The following CTNND2 variants were observed in gnomAD, a reference collection of about 807,000 sequenced individuals.
The protein encoded by CTNND2 is catenin delta-2.
In CTNND2, 22 loss-of-function variants were observed where a neutral mutation model predicts 144.4. The observed-to-expected ratio is 0.15, with a 90% CI of 0.11 to 0.22. The LOEUF is 0.22. Ranked by LOEUF, CTNND2 falls within the 10% of genes least tolerant of loss-of-function variation. The pLI, the probability that CTNND2 is intolerant of heterozygous loss-of-function variation, is 1.00. For missense variants in CTNND2, 1,353 were observed against 1,618.8 expected (o/e 0.84, Z 2.82); for synonymous variants, 751 against 695.6 (o/e 1.08, Z -1.25).
At chr5:11,634,455 C>A (rs1781577387) in intron 2 of CTNND2, among the ~76,000 whole-genome samples, 1 of 152,170 alleles carries the variant, frequency 6.6e-6, no homozygotes, top group African/African-American at 2.4e-5. Flanking sequence ...TCCTCAATCT[C>A]AATCCCGTGC....
intron 3 of CTNND2, among the ~76,000 whole-genome samples, chr5:11,522,440 T>C (rs1160045895): frequency 6.6e-6 from 1 of 152,156 alleles, no homozygotes; most frequent in Admixed American, 6.5e-5. Context: ...ATCATCAAAA[T>C]CTGGTGTTTT....
intron 2 of CTNND2, among the ~76,000 whole-genome samples, chr5:11,568,442 C>T (rs1354515306): frequency 1.3e-5 from 2 of 152,164 alleles, no homozygotes; most frequent in African/African-American, 4.8e-5. Context: ...GGCCTTGCCA[C>T]ACCACTGAGG....
At chr5:10,978,158 A>C (rs2149481767) in intron 21 of CTNND2, among the ~76,000 whole-genome samples, 1 of 152,256 alleles carries the variant, frequency 6.6e-6, no homozygotes, top group East Asian at 1.9e-4. Context: ...TCCTGGTGAA[A>C]CTGTTCCAGG....
intron 16 of CTNND2, among the ~76,000 whole-genome samples, chr5:11,080,527 T>C (rs1319518529): frequency 1.3e-5 from 2 of 152,208 alleles, no homozygotes; most frequent in East Asian, 1.9e-4. Context: ...ATAACTCTCA[T>C]GTTCATTCCA....
chr5:11,775,674 C>A (rs1460289643), intron 1 of CTNND2, among the ~76,000 whole-genome samples: 1 of 152,166 alleles, frequency 6.6e-6, no homozygotes, highest in African/African-American at 2.4e-5. Context: ...TCAGAGGAGT[C>A]AAAGGAGCGA....
intron 2 of CTNND2, among the ~76,000 whole-genome samples, chr5:11,565,368 AG>A (rs762676613): frequency 9.2e-5 from 14 of 152,238 alleles, no homozygotes; most frequent in Non-Finnish European, 1.8e-4. Flanking sequence ...TATCTTTGGC[AG>A]ACGGTCAGCA....
chr5:11,460,921 C>T (rs990020549), intron 3 of CTNND2, among the ~76,000 whole-genome samples: 5 of 151,804 alleles, frequency 3.3e-5, no homozygotes, highest in African/African-American at 4.8e-5. Flanking sequence ...TGGTGGCATG[C>T]GTCTGTAATC....
intron 16 of CTNND2, among the ~76,000 whole-genome samples, chr5:11,033,624 T>A (rs866612121): frequency 2.1e-4 from 32 of 151,750 alleles, no homozygotes; most frequent in Admixed American, 1.9e-3. Context: ...AGGTCAGGAG[T>A]TCGAGACCAG....
chr5:11,000,681 TAGAG>T (rs1333671323), intron 18 of CTNND2, among the ~76,000 whole-genome samples: 2 of 152,178 alleles, frequency 1.3e-5, no homozygotes, highest in South Asian at 2.1e-4. Context: ...TCTCAGCAGA[TAGAG>T]AGGTGGAATT....
chr5:11,067,647 G>T (rs1290559418), intron 16 of CTNND2, among the ~76,000 whole-genome samples: 4 of 152,178 alleles, frequency 2.6e-5, no homozygotes, highest in African/African-American at 9.7e-5. Flanking sequence ...ACCTTGAGTG[G>T]GGCAGGAAAC....
intron 2 of CTNND2, among the ~76,000 whole-genome samples, chr5:11,571,258 T>A (rs1040510160): frequency 6.6e-6 from 1 of 152,180 alleles, no homozygotes; most frequent in Non-Finnish European, 1.5e-5. Flanking sequence ...CATATGTGAC[T>A]GTTGGGGTGA....
In CTNND2 at chr5:11,383,741, T is replaced by C. The variant is rs146798757; in HGVS notation, c.1177+924A>G. Among the ~76,000 whole-genome samples the C allele has an allele frequency of 5.9e-5, 9 of 152,294 alleles. No homozygotes were observed. The East Asian group carries it at 1.7e-3, about 29-fold the overall frequency. Reference sequence around the variant, plus strand: ...ATGAGCACAGCATCTGTTACTAGAGTGACACAATTACCAAATCCTTCTGTA... The same window carrying C: ...ATGAGCACAGCATCTGTTACTAGAGCGACACAATTACCAAATCCTTCTGTA... On this transcript the variant is annotated intron_variant, in intron 7 of 21. Transcript: ENST00000304623.
At position 11,208,793 on chromosome 5, in the gene CTNND2, A is replaced by G. The variant is rs144001561; in HGVS notation, c.1762-9132T>C. On this transcript the variant is annotated intron_variant, in intron 10 of 21. Transcript: ENST00000304623. ...TGAAAAGGACCGATGCACACACATT[A>G]TAAACAAACTTAAAGTCGGGTGGAA... Among the ~76,000 whole-genome samples the G allele has an allele frequency of 2.9e-3, 443 of 152,334 alleles. 1 individual carries two copies. Among genetic ancestry groups the G allele is most frequent in the South Asian group, 0.011 (52 of 4,832 alleles).
intron 12 of CTNND2, among the ~76,000 whole-genome samples, chr5:11,131,671 C>A (rs1755613233): frequency 6.6e-6 from 1 of 152,094 alleles, no homozygotes; most frequent in South Asian, 2.1e-4. Context: ...CGCCTGTAGT[C>A]CCAGCTACTC....
intron 3 of CTNND2, among the ~76,000 whole-genome samples, chr5:11,459,798 A>C (rs1766039101): frequency 6.6e-6 from 1 of 152,188 alleles, no homozygotes; most frequent in Admixed American, 6.5e-5. Context: ...TCAAGATTGT[A>C]TTTAATATTT....
intron 15 of CTNND2, among the ~76,000 whole-genome samples, chr5:11,089,149 G>A (rs1750490640): frequency 6.6e-6 from 1 of 152,180 alleles, no homozygotes; most frequent in Non-Finnish European, 1.5e-5. Context: ...TCGTGGAGGG[G>A]AACTTCTGCC....
chr5:11,126,535 T>C (rs1754695044), intron 12 of CTNND2, among the ~76,000 whole-genome samples: 1 of 152,204 alleles, frequency 6.6e-6, no homozygotes, highest in Non-Finnish European at 1.5e-5. Context: ...TACGCAATGC[T>C]AAGTCCTGGG....
chr5:11,175,114 A>G (rs927878411), intron 11 of CTNND2, among the ~76,000 whole-genome samples: 2 of 151,728 alleles, frequency 1.3e-5, no homozygotes, highest in African/African-American at 4.9e-5. Flanking sequence ...ACCAAATTTT[A>G]GATTGCTTCT....
chr5:11,713,967 T>C (rs1786190454), intron 2 of CTNND2, among the ~76,000 whole-genome samples: 1 of 152,174 alleles, frequency 6.6e-6, no homozygotes, highest in Non-Finnish European at 1.5e-5. Context: ...TCCATTCAAG[T>C]ATGGCAGGTC....
Sources: allele counts gnomAD v4.1 joint callset (sites outside exome capture counted in the v4.1 genomes callset), GRCh38; gene constraint gnomAD v4.1.1; transcripts MANE v1.5; gene names NCBI Gene and HGNC (gene_info 2026-07-23, HGNC 2026-07-21).